Variants in RBFOX1 observed in about 807,000 individuals in gnomAD.
RBFOX1 encodes RNA binding protein fox-1 homolog 1.
RBFOX1 carries 8 observed loss-of-function variants against 57.7 expected under a neutral mutation model. That is an observed-to-expected ratio of 0.14 (90% CI 0.08 to 0.25). The LOEUF (loss-of-function observed/expected upper bound fraction) is 0.25, where lower values mean the gene tolerates loss of function less well. Ranked by LOEUF, RBFOX1 falls within the 10% of genes least tolerant of loss-of-function variation. The pLI, the probability that RBFOX1 is intolerant of heterozygous loss-of-function variation, is 1.00. For missense variants in RBFOX1, 611 were observed against 548.5 expected (o/e 1.11, Z -1.14); for synonymous variants, 326 against 222.4 (o/e 1.47, Z -4.15).
At chr16:7,249,901 G>T (rs1358711669) in intron 4 of RBFOX1, among the ~76,000 whole-genome samples, 2 of 152,098 alleles carry the variant, frequency 1.3e-5, no homozygotes, top group African/African-American at 2.4e-5. Context: ...TCTTCAGAAA[G>T]GTTAAACCAA....
intron 3 of RBFOX1, among the ~76,000 whole-genome samples, chr16:6,849,773 A>G (rs2093967543): frequency 1.3e-5 from 2 of 152,294 alleles, no homozygotes; most frequent in African/African-American, 2.4e-5. Context: ...TACAAATGCC[A>G]TCTCCTCCAA....
intron 3 of RBFOX1, among the ~76,000 whole-genome samples, chr16:7,047,361 T>A (rs1486548223): frequency 1.3e-5 from 2 of 152,206 alleles, no homozygotes; most frequent in Non-Finnish European, 2.9e-5. Flanking sequence ...AACTGTGTGT[T>A]ATTTTCTGCT....
At chr16:7,692,112 G>C (rs375918560) in intron 14 of RBFOX1, among the ~76,000 whole-genome samples, 5 of 152,104 alleles carry the variant, frequency 3.3e-5, no homozygotes, top group African/African-American at 1.2e-4. Context: ...TATTCATGCG[G>C]CTCAAAAAGT....
intron 2 of RBFOX1, among the ~76,000 whole-genome samples, chr16:6,640,974 C>T (rs921349183): frequency 6.6e-6 from 1 of 152,132 alleles, no homozygotes; most frequent in Non-Finnish European, 1.5e-5. Flanking sequence ...GGAAGGCCTG[C>T]TTTCTTTTTA....
intron 4 of RBFOX1, among the ~76,000 whole-genome samples, chr16:5,977,327 C>G (rs1438823324): frequency 6.6e-6 from 1 of 152,136 alleles, no homozygotes; most frequent in Non-Finnish European, 1.5e-5. Flanking sequence ...TGGGCTTTCA[C>G]AGGCCAGCCC....
chr16:7,190,358 C>A (rs909098726), intron 4 of RBFOX1, among the ~76,000 whole-genome samples: 1 of 152,114 alleles, frequency 6.6e-6, no homozygotes, highest in Non-Finnish European at 1.5e-5. Flanking sequence ...CCGCCTCAAA[C>A]ATAAATAAAA....
chr16:5,261,409 C>G (rs1223045323), intron 1 of RBFOX1, among the ~76,000 whole-genome samples: 3 of 152,046 alleles, frequency 2.0e-5, no homozygotes, highest in East Asian at 1.9e-4. Flanking sequence ...ACTGTATTCT[C>G]TAAGTTCTTG....
rs1005008671 is a variant in RBFOX1 at position 5,967,163 on chromosome 16, A to G, written c.351+99828A>G. Among the ~76,000 whole-genome samples the G allele has an allele frequency of 4.6e-5, 7 of 152,186 alleles. No homozygotes were observed. In the East Asian group the frequency reaches 5.8e-4, roughly 13 times the overall value. On this transcript the variant is annotated intron_variant, in intron 4 of 19. Transcript: ENST00000641259. ...CAGAGACCATCTGGCCCGCAAAGCC[A>G]CAAATATTTACTACTTGACCTTTTA... is the stretch of plus-strand genomic sequence containing the variant.
intron 4 of RBFOX1, among the ~76,000 whole-genome samples, chr16:7,499,619 C>T (rs571154753): frequency 6.6e-6 from 1 of 152,176 alleles, no homozygotes; most frequent in Non-Finnish European, 1.5e-5. Flanking sequence ...AAGATAGACA[C>T]GTTAAAAATC....
At chr16:5,981,686 C>CT (rs1430402694) in intron 4 of RBFOX1, among the ~76,000 whole-genome samples, 3 of 152,118 alleles carry the variant, frequency 2.0e-5, no homozygotes, top group African/African-American at 7.2e-5. Context: ...TCAGTCTGGT[C>CT]TTGAACTCCT....
At chr16:7,404,821 A>G (rs1057372305) in intron 4 of RBFOX1, among the ~76,000 whole-genome samples, 2 of 152,212 alleles carry the variant, frequency 1.3e-5, no homozygotes, top group African/African-American at 2.4e-5. Flanking sequence ...TCACTGACGC[A>G]GAAACAGATG....
chr16:6,885,133 A>C (rs988667199), intron 3 of RBFOX1, among the ~76,000 whole-genome samples: 21 of 152,172 alleles, frequency 1.4e-4, no homozygotes, highest in Admixed American at 1.1e-3. Flanking sequence ...GGAAAGTCTC[A>C]AGCTCTGACT....
intron 1 of RBFOX1, among the ~76,000 whole-genome samples, chr16:5,404,395 G>T (rs2066804846): frequency 6.6e-6 from 1 of 152,090 alleles, no homozygotes; most frequent in Non-Finnish European, 1.5e-5. Flanking sequence ...AGGGAGGGAG[G>T]AGGAGCTCTG....
chr16:6,470,493 G>A lies in RBFOX1; in HGVS notation c.-64+153436G>A, dbSNP rs113057149. On this transcript the variant is annotated intron_variant, in intron 2 of 15. Transcript: ENST00000550418. ...GCTTGGACATGAATAGTGCAAATAT[G>A]TCAGTCTTTCTATTCTTCCAAGATG... Among the ~76,000 whole-genome samples the A allele has an allele frequency of 6.1e-3, 928 of 152,314 alleles. 13 individuals carry two copies. Among genetic ancestry groups the A allele is most frequent in the African/African-American group, 0.021 (889 of 41,566 alleles).
At chr16:5,692,294 A>G (rs2050712452) in intron 3 of RBFOX1, among the ~76,000 whole-genome samples, 1 of 152,016 alleles carries the variant, frequency 6.6e-6, no homozygotes, top group African/African-American at 2.4e-5. Context: ...GTGAGAAAAC[A>G]CTGTGGAAGA....
chr16:6,506,118 C>T (rs1405148594), intron 2 of RBFOX1, among the ~76,000 whole-genome samples: 1 of 152,142 alleles, frequency 6.6e-6, no homozygotes, highest in Non-Finnish European at 1.5e-5. Flanking sequence ...GAAAGTGGCA[C>T]TGAGCTGAGA....
chr16:6,115,186 C>G (rs2096485515), intron 1 of RBFOX1, among the ~76,000 whole-genome samples: 1 of 152,150 alleles, frequency 6.6e-6, no homozygotes, highest in Admixed American at 6.5e-5. Context: ...TTTATTTTTA[C>G]TTCATCCTGT....
intron 1 of RBFOX1, among the ~76,000 whole-genome samples, chr16:5,328,123 A>G (rs1455506920): frequency 3.3e-5 from 5 of 152,160 alleles, no homozygotes; most frequent in Non-Finnish European, 7.3e-5. Flanking sequence ...TGTGCCTGTT[A>G]TGGGCTGAAT....
chr16:7,080,071 A>T (rs925300338), intron 4 of RBFOX1, among the ~76,000 whole-genome samples: 2 of 136,132 alleles, frequency 1.5e-5, no homozygotes, highest in Admixed American at 1.5e-4. Context: ...ATATATATAC[A>T]TATATACATA....
Sources: allele counts gnomAD v4.1 joint callset (sites outside exome capture counted in the v4.1 genomes callset), GRCh38; gene constraint gnomAD v4.1.1; transcripts MANE v1.5; gene names NCBI Gene and HGNC (gene_info 2026-07-23, HGNC 2026-07-21).